LPP: variants seen among roughly 807,000 people sequenced by gnomAD.
LPP encodes the protein LIM domain containing preferred translocation partner in lipoma, also known as lipoma-preferred partner.
A neutral mutation model predicts 60.4 loss-of-function variants in LPP; 38 were observed. The observed-to-expected ratio is 0.63, with a 90% CI of 0.49 to 0.83. The LOEUF (loss-of-function observed/expected upper bound fraction) is 0.83. Ranked by LOEUF, LPP falls within the 40% of genes least tolerant of loss-of-function variation. The pLI is 0.00. For missense variants in LPP, 902 were observed against 783.6 expected, an observed-to-expected ratio of 1.15 and a Z score of -1.80; for synonymous variants, 328 against 290.8, an observed-to-expected ratio of 1.13 and a Z score of -1.30.
At chr3:188,567,539 T>A (rs1342746367) in intron 6 of LPP, among the ~76,000 whole-genome samples, 1 of 151,854 alleles carries the variant, frequency 6.6e-6, no homozygotes, top group Admixed American at 6.6e-5. Context: ...GTGTAAAGTG[T>A]GTCTAAAGTG....
At chr3:188,516,848 C>T (rs2150095291) in intron 5 of LPP, among the ~76,000 whole-genome samples, 1 of 152,070 alleles carries the variant, frequency 6.6e-6, no homozygotes, top group African/African-American at 2.4e-5. Context: ...TTTAATAAGT[C>T]CTCCTGGTGG....
intron 7 of LPP, among the ~76,000 whole-genome samples, chr3:188,655,843 G>A (rs1853072995): frequency 6.6e-6 from 1 of 151,960 alleles, no homozygotes; most frequent in Admixed American, 6.6e-5. Flanking sequence ...GCTCTTACCA[G>A]TGACTTCAGT....
intron 6 of LPP, among the ~76,000 whole-genome samples, chr3:188,594,333 T>A (rs986154922): frequency 1.3e-5 from 2 of 152,168 alleles, no homozygotes; most frequent in Non-Finnish European, 2.9e-5. Context: ...CAGAGTGGAA[T>A]GAAAAGGACC....
chr3:188,444,067 T>C (rs1794662394), intron 4 of LPP, among the ~76,000 whole-genome samples: 1 of 152,218 alleles, frequency 6.6e-6, no homozygotes, highest in Admixed American at 6.5e-5. Flanking sequence ...TCAGAAGCTG[T>C]GTTTTTCCTC....
At position 188,714,130 on chromosome 3, in the gene LPP, A is replaced by G. The variant is rs182944037; in HGVS notation, c.1240+5737A>G. ...CTCAGTGAGTTGTTCAAGCTCACAT[A>G]GCTAATAATTTTGGAATTTGGCCTC... On this transcript the variant is annotated intron_variant, in intron 8 of 11. Coordinates refer to ENST00000617246, the MANE Select transcript of LPP (RefSeq NM_001375462.1). Among the ~76,000 whole-genome samples, 33 of 152,284 alleles carry G rather than the reference A, an allele frequency of 2.2e-4. No individual in the cohort carries two copies. In the East Asian group the frequency reaches 6.0e-3, roughly 28 times the overall value.
At chr3:188,495,064 TTATA>T (rs1192152538) in intron 5 of LPP, among the ~76,000 whole-genome samples, 16 of 53,876 alleles carry the variant, frequency 3.0e-4, no homozygotes, top group East Asian at 1.8e-3. Flanking sequence ...GTTCAGGATT[TTATA>T]TATATATATA....
At chr3:188,628,421 C>T (rs1847250822) in intron 7 of LPP, among the ~76,000 whole-genome samples, 1 of 151,862 alleles carries the variant, frequency 6.6e-6, no homozygotes, top group Admixed American at 6.6e-5. Context: ...GGGTACATTA[C>T]CACCAACCCC....
At chr3:188,448,386 T>TATTTAGATATCTATCTATATC (rs1560418272) in intron 4 of LPP, among the ~76,000 whole-genome samples, 4 of 4,028 alleles carry the variant, frequency 9.9e-4, no homozygotes, top group African/African-American at 1.5e-3. Context: ...CTATCTATAT[T>TATTTAGATATCTATCTATATC]GAGATATCTA....
intron 9 of LPP, among the ~76,000 whole-genome samples, chr3:188,809,435 T>C (rs539221475): frequency 6.6e-6 from 1 of 152,210 alleles, no homozygotes; most frequent in Non-Finnish European, 1.5e-5. Context: ...TAATGATCAG[T>C]GTCATTGAGC....
chr3:188,165,402 A>G (rs62289749), intron 1 of LPP, among the ~76,000 whole-genome samples: 2,535 of 152,188 alleles, frequency 0.017, 22 homozygotes, highest in Non-Finnish European at 0.027. Context: ...GTTTGGTGGG[A>G]TAGAGGATAT....
intron 1 of LPP, among the ~76,000 whole-genome samples, chr3:188,216,273 CTTT>C (rs1315000809): frequency 9.2e-5 from 12 of 131,136 alleles, no homozygotes; most frequent in Non-Finnish European, 3.2e-5. Context: ...CTTCTTCTTC[CTTT>C]TTTTTTTTTT....
chr3:188,733,290 C>CGTGT (rs10576864), intron 8 of LPP, among the ~76,000 whole-genome samples: 27,584 of 146,978 alleles, frequency 0.19, 2,970 homozygotes, highest in Middle Eastern at 0.37. Flanking sequence ...TCACCAAAAA[C>CGTGT]GTGTGTGTGT....
At chr3:188,682,202 G>A (rs1859684119) in intron 7 of LPP, among the ~76,000 whole-genome samples, 1 of 152,020 alleles carries the variant, frequency 6.6e-6, no homozygotes, top group African/African-American at 2.4e-5. Flanking sequence ...TCTCCTTTTT[G>A]TCTTCTGGGA....
intron 3 of LPP, among the ~76,000 whole-genome samples, chr3:188,405,394 G>T (rs1337536458): frequency 1.3e-5 from 2 of 152,060 alleles, no homozygotes; most frequent in Non-Finnish European, 2.9e-5. Flanking sequence ...CTGTGCTTTG[G>T]TTTCAACCCA....
chr3:188,198,607 T>C (rs536493358), intron 1 of LPP, among the ~76,000 whole-genome samples: 65 of 152,338 alleles, frequency 4.3e-4, no homozygotes, highest in Non-Finnish European at 8.1e-4. Context: ...ACAGATGAGG[T>C]AATAGAGAGG....
chr3:188,818,418 T>C (rs913120676), intron 9 of LPP, among the ~76,000 whole-genome samples: 10 of 152,240 alleles, frequency 6.6e-5, no homozygotes, highest in African/African-American at 2.4e-4. Flanking sequence ...ACCTTGAATC[T>C]TTCAGACTAG....
At chr3:188,414,340 C>G (rs1785618331) in intron 4 of LPP, among the ~76,000 whole-genome samples, 1 of 152,198 alleles carries the variant, frequency 6.6e-6, no homozygotes, top group Non-Finnish European at 1.5e-5. Flanking sequence ...AGGAAATGCT[C>G]ACAGGAACAT....
intron 5 of LPP, among the ~76,000 whole-genome samples, chr3:188,520,059 A>G (rs1201651382): frequency 6.6e-6 from 1 of 152,180 alleles, no homozygotes; most frequent in Non-Finnish European, 1.5e-5. Flanking sequence ...TTATGTACTT[A>G]CAGTGGGGGA....
At chr3:188,615,991 G>GT (rs1844777981) in intron 7 of LPP, among the ~76,000 whole-genome samples, 1 of 152,058 alleles carries the variant, frequency 6.6e-6, no homozygotes, top group South Asian at 2.1e-4. Context: ...TATTAGACCT[G>GT]TGTCAGATGG....
Sources: gnomAD v4.1 joint callset for allele counts (sites outside exome capture counted in the v4.1 genomes callset) on GRCh38, gnomAD v4.1.1 for gene constraint, MANE v1.5 for transcripts, NCBI Gene and HGNC (gene_info 2026-07-23, HGNC 2026-07-21) for gene names.